SPATA21: variants seen among roughly 807,000 people sequenced by gnomAD.
SPATA21 encodes spermatogenesis-associated protein 21.
In SPATA21, 47 loss-of-function variants were observed where a neutral mutation model predicts 54.8. The observed-to-expected ratio is 0.86, with a 90% confidence interval of 0.68 to 1.09. The LOEUF (loss-of-function observed/expected upper bound fraction) is 1.09. Ranked by LOEUF, SPATA21 falls within the 50% of genes least tolerant of loss-of-function variation. The pLI is 0.00. For missense variants in SPATA21, 599 were observed against 596.4 expected (o/e 1.00, Z -0.05); for synonymous variants, 245 against 235.3 (o/e 1.04, Z -0.38).
downstream of SPATA21, chr1:16,395,767 C>T (rs921888565): frequency 6.4e-6 from 1 of 155,712 alleles, no homozygotes; most frequent in African/African-American, 2.4e-5. Context: ...AAACATTAAC[C>T]AATAGGATTT....
chr1:16,414,375 G>GTATT (rs1435519405), intron 5 of SPATA21, among the ~76,000 whole-genome samples: 1 of 151,998 alleles, frequency 6.6e-6, no homozygotes, highest in African/African-American at 2.4e-5. Context: ...AGCCTAAACT[G>GTATT]TATTTATTTA....
Position 16,400,777 on chromosome 1 carries a change from C to T in SPATA21, c.1117G>A (p.Glu373Lys). ...PYNPQQEESS[E>K]VPERKVLSIL... Reference sequence around the variant, plus strand: ...CTGAGGACCTTTCGTTCTGGAACTTCTGAGCTCTCTTCTTGCTGGGGGTTG... The same window carrying T: ...CTGAGGACCTTTCGTTCTGGAACTTTTGAGCTCTCTTCTTGCTGGGGGTTG... Residue 373 changes from glutamate (E) to lysine (K), a missense_variant, in exon 11 of 13, where the codon GAA (glutamate) becomes AAA (lysine). Glu to Lys is a moderately conservative substitution (Grantham distance 56). Transcript: ENST00000335496. 1.2e-6 allele frequency: 2 copies of T among 1,613,902 alleles called. No individual in the cohort carries two copies. Among genetic ancestry groups the T allele is most frequent in the Non-Finnish European group, 1.7e-6 (2 of 1,179,926 alleles).
intron 10 of SPATA21, among the ~76,000 whole-genome samples, chr1:16,401,184 A>G (rs2085435879): frequency 1.3e-5 from 2 of 152,346 alleles, no homozygotes; most frequent in South Asian, 2.1e-4. Context: ...CAGATCAGAC[A>G]GTTCACATGC....
downstream of SPATA21, chr1:16,397,264 C>T (rs183622353): frequency 1.1e-4 from 16 of 152,362 alleles, no homozygotes; most frequent in Non-Finnish European, 1.6e-4. This position sits in a 1 kb window ranked among gnomAD's most constrained non-coding sequence, Gnocchi z 5.4. Context: ...GGGCTTTGCC[C>T]GCTGTGTGCC....
rs1553166390 is a variant in SPATA21, at chr1:16,426,580, T to TATATATA, written c.35-4610_35-4609insTATATAT. Among the ~76,000 whole-genome samples the TATATATA allele has an allele frequency of 3.6e-4, 28 of 77,988 alleles. No homozygotes were observed. In the East Asian group the frequency reaches 7.7e-3, roughly 22 times the overall value. The allele number at this position is 77,988 out of a possible 152,430, so 51.2% of individuals were successfully genotyped here. On this transcript the variant is annotated intron_variant, in intron 3 of 12. Transcript: ENST00000335496. ...GGCTATATATATATATATATATATATTTTTTTTTTTTTTTTTTGAGACAGA... is the reference window on the plus strand; with the variant it reads ...GGCTATATATATATATATATATATATATATATATTTTTTTTTTTTTTTTTGAGACAGA...
At chr1:16,415,748 C>CG (rs2085986920) in intron 5 of SPATA21, among the ~76,000 whole-genome samples, 1 of 151,864 alleles carries the variant, frequency 6.6e-6, no homozygotes, top group Non-Finnish European at 1.5e-5. Flanking sequence ...TTAGTAGAGA[C>CG]GGGGTTTCAC....
At chr1:16,433,721 A>G (rs1169653348) in intron 1 of SPATA21, among the ~76,000 whole-genome samples, 1 of 152,192 alleles carries the variant, frequency 6.6e-6, no homozygotes, top group East Asian at 1.9e-4. Context: ...GAATCTAGAC[A>G]AGGAGGGGAA....
chr1:16,418,944 G>A (rs1234342404), intron 5 of SPATA21, among the ~76,000 whole-genome samples: 3 of 152,244 alleles, frequency 2.0e-5, no homozygotes, highest in Middle Eastern at 3.4e-3. Flanking sequence ...TACCTACCAC[G>A]TGCTGGGCAT....
intron 3 of SPATA21, chr1:16,425,562 G>T (rs938262): frequency 7.1e-6 from 11 of 1,549,462 alleles, no homozygotes; most frequent in Non-Finnish European, 8.7e-6. Flanking sequence ...CCGATTCCCC[G>T]GTTCCGTTGC....
Position 16,409,752 on chromosome 1 carries a change from C to T in SPATA21, c.436G>A (p.Ala146Thr). The change falls in exon 6 of 13, where the codon GCT (alanine) becomes ACT (threonine). Residue 146 changes from alanine (A) to threonine (T), a missense_variant. Transcript: ENST00000335496. This position sits in a 1 kb window ranked among gnomAD's most constrained non-coding sequence, Gnocchi z 4.1. ...ASGPSWARLPAPGPEPAPMGA... is the reference protein window; with the variant it reads ...ASGPSWARLPTPGPEPAPMGA... ...ATGGGGGCAGGTTCTGGCCCAGGAG[C>T]TGGCAGCCGGGCCCACGATGGGCCG... The T allele has an allele frequency of 6.2e-7, 1 of 1,608,232 alleles. No individual in the cohort carries two copies. The highest frequency in any genetic ancestry group is 8.5e-7 in the Non-Finnish European group (1 of 1,177,708).
At chr1:16,408,601 G>A (rs1157515597) in intron 7 of SPATA21, 28 of 892,316 alleles carry the variant, frequency 3.1e-5, no homozygotes, top group Middle Eastern at 5.6e-4. Context: ...GGCTGGGCGC[G>A]GTGGCTCACG....
At position 16,421,975 on chromosome 1, in the gene SPATA21, G is replaced by A. The variant is rs1250730031; in HGVS notation, c.35-4C>T. 1 of 1,614,164 alleles carries A rather than the reference G, an allele frequency of 6.2e-7. No individual in the cohort carries two copies. On this transcript the variant is annotated splice_region_variant and splice_polypyrimidine_tract_variant and intron_variant, in intron 3 of 12. Transcript: ENST00000335496. This position sits in a 1 kb window ranked among gnomAD's most constrained non-coding sequence, Gnocchi z 5.2. The stretch of plus-strand genomic sequence containing the variant: ...AAGGGGTTGACTGTCTTTTCCTCTG[G>A]AGCCACGACGGACATTGGGGGCATT...
chr1:16,409,536 T>C lies in SPATA21; in HGVS notation c.587+65A>G. 1 of 1,519,554 alleles carries C rather than the reference T, an allele frequency of 6.6e-7. No individual in the cohort carries two copies. The highest frequency in any genetic ancestry group is 2.4e-5 in the East Asian group (1 of 42,090). 94.1% of individuals were successfully genotyped at this position (1,519,554 alleles called of 1,614,324 possible). A position where few individuals can be genotyped will look rare whatever the true frequency, so the allele number is the denominator to read the frequency against. On this transcript the variant is annotated intron_variant, in intron 6 of 12. Coordinates refer to ENST00000335496, the MANE Select transcript of SPATA21 (RefSeq NM_198546.1). This position sits in a 1 kb window ranked among gnomAD's most constrained non-coding sequence, Gnocchi z 4.1. ...GCAGGTGCAGGGACAGGGACCTGCA[T>C]CCGGGACAAGGCTCTGATCTTGGGG... is the stretch of plus-strand genomic sequence containing the variant.
intron 3 of SPATA21, among the ~76,000 whole-genome samples, chr1:16,422,527 G>A (rs1176635510): frequency 6.9e-6 from 1 of 145,164 alleles, no homozygotes; most frequent in African/African-American, 2.6e-5. Flanking sequence ...TTTTTTTTGA[G>A]ACAAGTCTCA....
rs74322933 is a variant in SPATA21, at chr1:16,437,144, G to A, written c.-203C>T. Reference sequence around the variant, plus strand: ...TGCACCTACCAGAAATCAGCTGGATGAGTCACAGTGAGATTTTCCACCCCT... The same window carrying A: ...TGCACCTACCAGAAATCAGCTGGATAAGTCACAGTGAGATTTTCCACCCCT... On this transcript the variant is annotated 5_prime_UTR_variant, in exon 1 of 13. Transcript: ENST00000335496. 0.051 allele frequency: 7,799 copies of A among 152,402 alleles called. 301 individuals carry two copies. Among genetic ancestry groups the A allele is most frequent in the Non-Finnish European group, 0.078 (5,308 of 68,102 alleles). The allele number at this position is 152,402 out of a possible 1,614,324, so 9.4% of individuals were successfully genotyped here. A position where few individuals can be genotyped will look rare whatever the true frequency, so the allele number is the denominator to read the frequency against.
chr1:16,431,014 G>A (rs1369750674), intron 3 of SPATA21, among the ~76,000 whole-genome samples: 1 of 152,212 alleles, frequency 6.6e-6, no homozygotes, highest in Non-Finnish European at 1.5e-5. Flanking sequence ...ATAGAGCCAA[G>A]AGATACTCAT....
In SPATA21 at chr1:16,437,107, CCACCTTGGCCCTG is replaced by C. The variant is rs1249338126; in HGVS notation, c.-187+8_-187+20del. On this transcript the variant is annotated splice_region_variant and intron_variant, in intron 1 of 12. Coordinates refer to ENST00000335496, the MANE Select transcript of SPATA21 (RefSeq NM_198546.1). Reference sequence around the variant, plus strand: ...AGGGAAAGCTTGTTCACCTTACACCCCACCTTGGCCCTGCACCTACCAGAAATCAGCTGGATGA... The same window carrying C: ...AGGGAAAGCTTGTTCACCTTACACCCCACCTACCAGAAATCAGCTGGATGA... The C allele has an allele frequency of 2.6e-5, 4 of 152,192 alleles. No individual in the cohort carries two copies. The highest frequency in any genetic ancestry group is 5.9e-5 in the Non-Finnish European group (4 of 68,060). The allele number at this position is 152,192 out of a possible 1,614,324, so 9.4% of individuals were successfully genotyped here.
At chr1:16,405,493 G>GAAAAA (rs538611012) in intron 7 of SPATA21, among the ~76,000 whole-genome samples, 1 of 81,322 alleles carries the variant, frequency 1.2e-5, no homozygotes, top group Non-Finnish European at 2.2e-5. Flanking sequence ...AAATAAAAAT[G>GAAAAA]AAAAAAAAAA....
rs201494070 is a variant in SPATA21, at chr1:16,409,721, G to A, written c.467C>T (p.Ala156Val). 22 of 1,612,262 alleles carry A rather than the reference G, an allele frequency of 1.4e-5. No individual in the cohort carries two copies. Among genetic ancestry groups the A allele is most frequent in the African/African-American group, 6.7e-5 (5 of 75,008 alleles). The part of the protein sequence containing the change: ...APGPEPAPMG[A>V]PVPTSMPCPV... ...GCAAGGCATGGAGGTGGGGACCGGG[G>A]CTCCCATGGGGGCAGGTTCTGGCCC... Residue 156 changes from alanine to valine, a missense_variant, in exon 6 of 13, where the codon GCC becomes GTC. Transcript: ENST00000335496. The surrounding 1 kb of genome is among the most constrained non-coding windows in gnomAD (Gnocchi z 4.1).
Sources: gnomAD v4.1 joint callset for allele counts (sites outside exome capture counted in the v4.1 genomes callset) on GRCh38, gnomAD v4.1.1 for gene constraint, Gnocchi (gnomAD v3.1) non-coding constraint, MANE v1.5 for transcripts, NCBI Gene and HGNC (gene_info 2026-07-23, HGNC 2026-07-21) for gene names.